SIN3B: variants seen among roughly 807,000 people sequenced by gnomAD.
SIN3B encodes paired amphipathic helix protein Sin3b.
SIN3B carries 19 observed loss-of-function variants against 120.2 expected under a neutral mutation model. The ratio of observed to expected loss-of-function variants is 0.16; its 90% CI spans 0.11 to 0.23. The LOEUF (loss-of-function observed/expected upper bound fraction) is 0.23. Among genes scored for constraint, SIN3B ranks in the 10% least tolerant of loss-of-function variants. The pLI is 1.00. For missense variants in SIN3B, 1,073 were observed against 1,573.0 expected (o/e 0.68, Z 5.38); for synonymous variants, 654 against 653.2 (o/e 1.00, Z -0.02).
intron 12 of SIN3B, 65 bp downstream of exon 12, chr19:16,866,621 C>T: frequency 6.0e-6 from 9 of 1,492,280 alleles, no homozygotes; most frequent in Non-Finnish European, 8.3e-6. Context: ...ACCGCCGGGT[C>T]TGTGCCTCTG....
intron 8 of SIN3B, among the ~76,000 whole-genome samples, chr19:16,860,793 G>A (rs1449077465): frequency 6.6e-6 from 1 of 151,694 alleles, no homozygotes; most frequent in African/African-American, 2.4e-5. Flanking sequence ...TTTTAGTAGA[G>A]ACGGGGTTTC....
chr19:16,864,617 C>A (rs2144612485), intron 10 of SIN3B, among the ~76,000 whole-genome samples: 1 of 152,118 alleles, frequency 6.6e-6, no homozygotes, highest in Non-Finnish European at 1.5e-5. Flanking sequence ...AAGGAATGAG[C>A]CACCACACCT....
chr19:16,869,771 CAGT>C lies in SIN3B; in HGVS notation c.2121_2123del (p.Ser708del). On this transcript the variant is annotated inframe_deletion, in exon 13 of 19. Coordinates refer to ENST00000248054, the MANE Select transcript of SIN3B (RefSeq NM_001297595.2). ...GGAAGAAGCCGGCGCCAGGACCCCACAGTAGCCCCCCAGAGGAGAAGGGGGCCT... is the reference window on the plus strand; with the variant it reads ...GGAAGAAGCCGGCGCCAGGACCCCACAGCCCCCCAGAGGAGAAGGGGGCCT... The C allele has an allele frequency of 6.2e-7, 1 of 1,613,550 alleles. No individual in the cohort carries two copies. Among genetic ancestry groups the C allele is most frequent in the Non-Finnish European group, 8.5e-7 (1 of 1,179,906 alleles).
At chr19:16,831,746 C>A in intron 3 of SIN3B, 99 bp downstream of exon 3, 1 of 1,034,900 alleles carries the variant, frequency 9.7e-7, no homozygotes, top group Non-Finnish European at 1.5e-6. Context: ...TGCTAGAAAG[C>A]CACTTAAGAT....
intron 3 of SIN3B, among the ~76,000 whole-genome samples, chr19:16,838,413 A>G (rs938962007): frequency 6.6e-6 from 1 of 152,132 alleles, no homozygotes; most frequent in Non-Finnish European, 1.5e-5. Flanking sequence ...TGGACATTTC[A>G]TATCAGTGGG....
intron 14 of SIN3B, among the ~76,000 whole-genome samples, chr19:16,874,898 G>A (rs2051568208): frequency 6.7e-6 from 1 of 149,618 alleles, no homozygotes; most frequent in South Asian, 2.1e-4. Flanking sequence ...TCTGGTTTTG[G>A]TCTGGTCTAA....
rs374239561 is a variant in SIN3B at position 16,876,080 on chromosome 19, T to C, written c.2618T>C (p.Val873Ala). Residue 873 changes from valine to alanine, a missense_variant, in exon 15 of 19, where the codon GTC becomes GCC. This residue lies in a region of SIN3B where 311 missense variants were observed against 400.3 expected (regional missense o/e 0.78). Transcript: ENST00000248054. The surrounding 1 kb of genome is among the most constrained non-coding windows in gnomAD (Gnocchi z 7.1). The stretch of plus-strand genomic sequence containing the variant: ...CTGCACCACCTCGTGAGCGATGACG[T>C]CTGCCTGAAGGTGGTGGAGCTCTAC... Reference protein sequence around the residue: ...RQLHHLVSDDVCLKVVELYLN... With the variant: ...RQLHHLVSDDACLKVVELYLN... The C allele has an allele frequency of 1.3e-6, 2 of 1,577,866 alleles. No individual in the cohort carries two copies. Among genetic ancestry groups the C allele is most frequent in the Non-Finnish European group, 1.7e-6 (2 of 1,162,696 alleles).
At chr19:16,846,889 G>A (rs1008319568) in intron 4 of SIN3B, 81 bp from the exon 5 acceptor site, 23 of 1,471,750 alleles carry the variant, frequency 1.6e-5, no homozygotes, top group African/African-American at 1.4e-4. Context: ...TCCCCTTCAC[G>A]GAGGGCTGCC....
chr19:16,854,286 C>T (rs375026832), intron 8 of SIN3B, 25 bp downstream of exon 8: 9 of 1,493,674 alleles, frequency 6.0e-6, no homozygotes, highest in Middle Eastern at 1.7e-4. Context: ...TCCCAGGGCT[C>T]CCTAGGGGGG....
chr19:16,829,971 C>G (rs1311295853), intron 2 of SIN3B, 74 bp downstream of exon 2: 27 of 950,452 alleles, frequency 2.8e-5, no homozygotes, highest in Non-Finnish European at 4.3e-5. Context: ...TGAGACCTCC[C>G]CTCTCCAGCC....
intron 3 of SIN3B, among the ~76,000 whole-genome samples, chr19:16,841,132 T>C (rs1971411823): frequency 6.6e-6 from 1 of 151,976 alleles, no homozygotes; most frequent in Non-Finnish European, 1.5e-5. Flanking sequence ...GCAAGCTTCT[T>C]TCTATTTTTG....
chr19:16,833,775 G>A (rs1478097253), intron 3 of SIN3B, among the ~76,000 whole-genome samples: 1 of 151,242 alleles, frequency 6.6e-6, no homozygotes, highest in Admixed American at 6.6e-5. Flanking sequence ...CCAGGCTGGA[G>A]TTCAGTGGCG....
chr19:16,831,400 G>T lies in SIN3B; in HGVS notation c.228-94G>T. On this transcript the variant is annotated intron_variant, in intron 2 of 18. Coordinates refer to ENST00000248054, the MANE Select transcript of SIN3B (RefSeq NM_001297595.2). Reference sequence around the variant, plus strand: ...GGTTCCTTTGTTGTCTGTTGAGAAGGTTTTTATGTGGCAGTATCAAGGGAG... The same window carrying T: ...GGTTCCTTTGTTGTCTGTTGAGAAGTTTTTTATGTGGCAGTATCAAGGGAG... 4 of 1,313,272 alleles carry T rather than the reference G, an allele frequency of 3.0e-6. No homozygotes were observed. The South Asian group carries it at 4.1e-5, about 13-fold the overall frequency. 81.4% of individuals were successfully genotyped at this position (1,313,272 alleles called of 1,614,324 possible).
At chr19:16,867,401 G>A (rs1971791079) in intron 12 of SIN3B, among the ~76,000 whole-genome samples, 2 of 152,218 alleles carry the variant, frequency 1.3e-5, no homozygotes, top group Admixed American at 1.3e-4. Context: ...GGCCAGCGGG[G>A]CCCTCAGGTT....
At chr19:16,857,376 G>A (rs1971628737) in intron 8 of SIN3B, among the ~76,000 whole-genome samples, 1 of 151,846 alleles carries the variant, frequency 6.6e-6, no homozygotes, top group Admixed American at 6.6e-5. Context: ...ATTTGCTTCA[G>A]CCTCAAAGAG....
intron 3 of SIN3B, among the ~76,000 whole-genome samples, chr19:16,841,220 C>T (rs1971412964): frequency 6.6e-6 from 1 of 152,050 alleles, no homozygotes; most frequent in Non-Finnish European, 1.5e-5. Context: ...CCCAAGCGAC[C>T]GATGCACCTT....
At chr19:16,848,027 C>A (rs971258133) in intron 5 of SIN3B, among the ~76,000 whole-genome samples, 1 of 152,170 alleles carries the variant, frequency 6.6e-6, no homozygotes. Context: ...GTGTCTGGCT[C>A]CTCTCACTCA....
intron 6 of SIN3B, among the ~76,000 whole-genome samples, chr19:16,852,264 G>A (rs971276140): frequency 1.3e-5 from 2 of 151,928 alleles, no homozygotes; most frequent in African/African-American, 2.4e-5. Context: ...TGTCCTTTTG[G>A]CATGTCCTCA....
intron 4 of SIN3B, among the ~76,000 whole-genome samples, chr19:16,842,510 G>A (rs376646841): frequency 2.6e-5 from 4 of 151,420 alleles, no homozygotes; most frequent in African/African-American, 9.7e-5. Flanking sequence ...GGGCTCAAGC[G>A]ATCCTCCTGC....
Sources: allele counts gnomAD v4.1 joint callset (sites outside exome capture counted in the v4.1 genomes callset), GRCh38; gene constraint gnomAD v4.1.1; regional missense constraint gnomAD v4.1.1; non-coding constraint Gnocchi (gnomAD v3.1); transcripts MANE v1.5; gene names NCBI Gene and HGNC (gene_info 2026-07-23, HGNC 2026-07-21).